Variants in FGF12 observed in about 807,000 individuals in gnomAD.
The protein encoded by FGF12 is fibroblast growth factor 12, also known as fibroblast growth factor 12B.
Under a neutral mutation model 23.6 loss-of-function variants are expected in FGF12, and 14 were observed. The ratio of observed to expected loss-of-function variants is 0.59; its 90% confidence interval spans 0.39 to 0.93. FGF12 has a LOEUF of 0.93. Ranked by LOEUF, FGF12 falls within the 40% of genes least tolerant of loss-of-function variation. FGF12 has a pLI of 0.00. For missense variants in FGF12, 175 were observed against 217.8 expected (o/e 0.80, Z 1.24); for synonymous variants, 62 against 77.3 (o/e 0.80, Z 1.04).
intron 4 of FGF12, chr3:192,265,358 T>G (rs1388513411): frequency 3.3e-5 from 5 of 152,128 alleles, no homozygotes; most frequent in Non-Finnish European, 5.9e-5. Flanking sequence ...GCTATTCAGA[T>G]GGACTAAAAA....
chr3:192,705,462 G>A (rs561202332), intron 2 of FGF12, among the ~76,000 whole-genome samples: 1 of 152,162 alleles, frequency 6.6e-6, no homozygotes, highest in Non-Finnish European at 1.5e-5. Flanking sequence ...TACAACACTG[G>A]AAACAGATTT....
chr3:192,186,603 G>A (rs1716484435), intron 4 of FGF12, among the ~76,000 whole-genome samples: 1 of 152,148 alleles, frequency 6.6e-6, no homozygotes, highest in Non-Finnish European at 1.5e-5. Context: ...TTACATTTGT[G>A]TGTGCGTGTG....
At chr3:192,703,996 T>G (rs1312245284) in intron 2 of FGF12, among the ~76,000 whole-genome samples, 1 of 152,178 alleles carries the variant, frequency 6.6e-6, no homozygotes, top group Non-Finnish European at 1.5e-5. Context: ...TAAGCCAAAG[T>G]CTTGAAACCT....
At position 192,463,525 on chromosome 3, in the gene FGF12, A is replaced by G. The variant is rs73889346; in HGVS notation, c.14-102987T>C. 5.3e-3 allele frequency among the ~76,000 whole-genome samples: 800 copies of G among 152,238 alleles called. 9 individuals carry two copies. The highest frequency in any genetic ancestry group is 0.018 in the African/African-American group (764 of 41,534). On this transcript the variant is annotated intron_variant, in intron 2 of 5. Transcript: ENST00000445105. ...CTGGTTATGGTTTTATCTTTTGGGGATGAACTCTTCAAGCTTACCTGGCCA... is the reference window on the plus strand; with the variant it reads ...CTGGTTATGGTTTTATCTTTTGGGGGTGAACTCTTCAAGCTTACCTGGCCA...
At chr3:192,616,282 CAAAT>C (rs1331949870) in intron 2 of FGF12, among the ~76,000 whole-genome samples, 1 of 151,922 alleles carries the variant, frequency 6.6e-6, no homozygotes, top group African/African-American at 2.4e-5. Context: ...TTAACTAAAA[CAAAT>C]AAACGTAGTA....
chr3:192,543,898 T>C (rs1725433337), intron 2 of FGF12, among the ~76,000 whole-genome samples: 1 of 152,090 alleles, frequency 6.6e-6, no homozygotes, highest in Admixed American at 6.6e-5. Context: ...GCAAGTAAAG[T>C]CCTCTTTACT....
intron 2 of FGF12, among the ~76,000 whole-genome samples, chr3:192,429,144 G>T (rs567603704): frequency 6.6e-6 from 1 of 152,152 alleles, no homozygotes; most frequent in African/African-American, 2.4e-5. Context: ...AAATATTTAA[G>T]TTCACTGGAA....
chr3:192,524,404 A>G (rs1469005368), intron 2 of FGF12, among the ~76,000 whole-genome samples: 1 of 152,238 alleles, frequency 6.6e-6, no homozygotes, highest in African/African-American at 2.4e-5. Flanking sequence ...GTTAACTTTC[A>G]GAAAAGGGCA....
At chr3:192,650,622 A>AAGACC (rs989435232) in intron 2 of FGF12, among the ~76,000 whole-genome samples, 4 of 152,218 alleles carry the variant, frequency 2.6e-5, no homozygotes, top group Non-Finnish European at 5.9e-5. Context: ...TCTTCCAAAC[A>AAGACC]AGACCTGTGT....
chr3:192,716,623 A>G (rs1428261247), intron 2 of FGF12, among the ~76,000 whole-genome samples: 2 of 152,218 alleles, frequency 1.3e-5, no homozygotes, highest in Admixed American at 6.5e-5. Context: ...ATCCAGCCCC[A>G]TACAGAAGCA....
chr3:192,584,703 C>T (rs925457926), intron 2 of FGF12, among the ~76,000 whole-genome samples: 1 of 152,104 alleles, frequency 6.6e-6, no homozygotes, highest in African/African-American at 2.4e-5. Flanking sequence ...GCCAGGCTGC[C>T]CTGTATTGTC....
At chr3:192,233,834 T>C (rs1719146865) in intron 4 of FGF12, among the ~76,000 whole-genome samples, 1 of 152,138 alleles carries the variant, frequency 6.6e-6, no homozygotes, top group South Asian at 2.1e-4. Context: ...TGGGCAGCTT[T>C]GTCAAAGATC....
At chr3:192,536,827 T>C (rs1235877386) in intron 2 of FGF12, among the ~76,000 whole-genome samples, 4 of 152,128 alleles carry the variant, frequency 2.6e-5, no homozygotes, top group Non-Finnish European at 5.9e-5. Flanking sequence ...ATAGTTTTAG[T>C]TAATTTTAAA....
chr3:192,636,517 T>C (rs1715590017), intron 2 of FGF12, among the ~76,000 whole-genome samples: 2 of 152,362 alleles, frequency 1.3e-5, no homozygotes, highest in South Asian at 4.1e-4. Flanking sequence ...CATAAATCTC[T>C]TCCAAGGTGT....
chr3:192,649,018 A>G (rs1716112669), intron 2 of FGF12, among the ~76,000 whole-genome samples: 1 of 152,136 alleles, frequency 6.6e-6, no homozygotes, highest in African/African-American at 2.4e-5. Context: ...GGGAAGTTGC[A>G]ATCTTAAGGG....
At chr3:192,677,464 A>AT (rs1261941136) in intron 2 of FGF12, among the ~76,000 whole-genome samples, 3 of 152,126 alleles carry the variant, frequency 2.0e-5, no homozygotes, top group African/African-American at 7.2e-5. Context: ...CAGGGAGAGA[A>AT]TTTTTTTCAC....
At chr3:192,575,518 G>A (rs529417115) in intron 2 of FGF12, among the ~76,000 whole-genome samples, 95 of 152,224 alleles carry the variant, frequency 6.2e-4, no homozygotes, top group African/African-American at 2.2e-3. Context: ...AGGAGGAGAA[G>A]AAAGAGGAGG....
Position 192,336,065 on chromosome 3 carries a change from T to G in FGF12, c.125-601A>C, listed in dbSNP as rs1210531324. Among the ~76,000 whole-genome samples, 1 of 151,272 alleles carries G rather than the reference T, an allele frequency of 6.6e-6. No homozygotes were observed. ...AACAGATGGACAGATGATTGATAGA[T>G]AGCTTAAGCTGTAATGGATATATTT... On this transcript the variant is annotated intron_variant, in intron 3 of 5. Coordinates refer to ENST00000445105, the MANE Select transcript of FGF12 (RefSeq NM_004113.6). The surrounding 1 kb of genome is among the most constrained non-coding windows in gnomAD (Gnocchi z 4.3).
intron 4 of FGF12, among the ~76,000 whole-genome samples, chr3:192,300,264 T>G (rs542916612): frequency 6.6e-6 from 1 of 152,320 alleles, no homozygotes; most frequent in Non-Finnish European, 1.5e-5. Context: ...ATTATAATGA[T>G]CTACTTTAAA....
Sources: allele counts gnomAD v4.1 joint callset (sites outside exome capture counted in the v4.1 genomes callset), GRCh38; gene constraint gnomAD v4.1.1; non-coding constraint Gnocchi (gnomAD v3.1); transcripts MANE v1.5; gene names NCBI Gene and HGNC (gene_info 2026-07-23, HGNC 2026-07-21).